RGS17: variants seen among roughly 807,000 people sequenced by gnomAD.
RGS17 encodes regulator of G-protein signaling 17.
RGS17 carries 12 observed loss-of-function variants against 25.5 expected under a neutral mutation model. The observed-to-expected ratio is 0.47, with a 90% CI of 0.30 to 0.76. The LOEUF is 0.76. Ranked by LOEUF, RGS17 falls within the 30% of genes least tolerant of loss-of-function variation. The pLI, the probability that RGS17 is intolerant of heterozygous loss-of-function variation, is 0.07. For synonymous variants in RGS17, 71 were observed against 76.9 expected, an observed-to-expected ratio of 0.92 and a Z score of 0.40; for missense variants, 196 against 242.2, an observed-to-expected ratio of 0.81 and a Z score of 1.27.
intron 1 of RGS17, among the ~76,000 whole-genome samples, chr6:153,105,171 G>A (rs963575346): frequency 1.3e-5 from 2 of 151,628 alleles, no homozygotes; most frequent in African/African-American, 4.8e-5. Context: ...ATGGAATTCA[G>A]AACCCAGTCA....
intron 1 of RGS17, among the ~76,000 whole-genome samples, chr6:153,053,966 TAC>T (rs1208539638): frequency 0.24 from 13,980 of 59,116 alleles, 3,248 homozygotes; most frequent in Non-Finnish European, 0.32. Context: ...ATATATTATA[TAC>T]ATATATATGT....
At chr6:153,019,316 TTA>T (rs1328205931) in intron 4 of RGS17, among the ~76,000 whole-genome samples, 1 of 149,096 alleles carries the variant, frequency 6.7e-6, no homozygotes, top group Non-Finnish European at 1.5e-5. Flanking sequence ...GATACATATC[TTA>T]TATTTATTGA....
In RGS17 at chr6:153,010,415, T is replaced by G. The variant is rs931039073; in HGVS notation, c.*1159A>C. On this transcript the variant is annotated 3_prime_UTR_variant, in exon 5 of 5. Transcript: ENST00000206262. ...CCTTTTAATGATGGATGAAAACTAA[T>G]AGTTTGGTTTAAACATCTTTAAAAT... 6.6e-6 allele frequency: 1 copy of G among 152,028 alleles called. No individual in the cohort carries two copies. The highest frequency in any genetic ancestry group is 6.5e-5 in the Admixed American group (1 of 15,274). 9.4% of individuals were successfully genotyped at this position (152,028 alleles called of 1,614,324 possible). A position where few individuals can be genotyped will look rare whatever the true frequency, so the allele number is the denominator to read the frequency against.
chr6:153,070,772 TA>T (rs954765623), intron 1 of RGS17, among the ~76,000 whole-genome samples: 11 of 151,378 alleles, frequency 7.3e-5, no homozygotes, highest in African/African-American at 1.9e-4. Flanking sequence ...TATATACATA[TA>T]CACATATACA....
At chr6:153,075,540 C>G (rs182894620) in intron 1 of RGS17, among the ~76,000 whole-genome samples, 1 of 152,132 alleles carries the variant, frequency 6.6e-6, no homozygotes, top group African/African-American at 2.4e-5. Flanking sequence ...CTGGCACGGA[C>G]TGCTGCATGG....
At chr6:153,096,370 C>T (rs2129122519) in intron 1 of RGS17, among the ~76,000 whole-genome samples, 1 of 152,284 alleles carries the variant, frequency 6.6e-6, no homozygotes, top group Middle Eastern at 3.4e-3. Context: ...GACAATAAAA[C>T]CTATCCTCAC....
At chr6:153,117,099 T>C (rs1777556977) in intron 1 of RGS17, among the ~76,000 whole-genome samples, 1 of 152,020 alleles carries the variant, frequency 6.6e-6, no homozygotes, top group African/African-American at 2.4e-5. Context: ...AAAATATAAA[T>C]ACCCGAGACT....
chr6:153,123,209 T>C (rs576863274), intron 1 of RGS17, among the ~76,000 whole-genome samples: 2 of 152,238 alleles, frequency 1.3e-5, no homozygotes, highest in Admixed American at 6.5e-5. Flanking sequence ...ATTTTGATCA[T>C]ACTAAACTCA....
intron 1 of RGS17, among the ~76,000 whole-genome samples, chr6:153,101,806 C>CGA (rs892258844): frequency 3.3e-5 from 5 of 151,322 alleles, no homozygotes; most frequent in Non-Finnish European, 7.4e-5. Flanking sequence ...CTCTCTCTCT[C>CGA]TCCTGCCACC....
intron 4 of RGS17, among the ~76,000 whole-genome samples, chr6:153,020,398 C>A (rs1779236934): frequency 6.6e-6 from 1 of 151,300 alleles, no homozygotes; most frequent in Admixed American, 6.6e-5. Flanking sequence ...TGTAATCCAC[C>A]CATCTTGGCC....
chr6:153,083,563 A>C (rs938280455), intron 1 of RGS17, among the ~76,000 whole-genome samples: 1 of 152,222 alleles, frequency 6.6e-6, no homozygotes, highest in African/African-American at 2.4e-5. Flanking sequence ...AATTAGTACT[A>C]ATCTTTGATG....
At chr6:153,103,119 A>G (rs370671410) in intron 1 of RGS17, among the ~76,000 whole-genome samples, 7 of 152,190 alleles carry the variant, frequency 4.6e-5, no homozygotes, top group African/African-American at 1.4e-4. Context: ...CAATTTCGTT[A>G]GCTGAAAACC....
At chr6:153,104,449 T>C (rs550077463) in intron 1 of RGS17, among the ~76,000 whole-genome samples, 2 of 152,310 alleles carry the variant, frequency 1.3e-5, no homozygotes, top group South Asian at 4.1e-4. Flanking sequence ...CCAGAACATG[T>C]TTGACTAAAG....
chr6:153,123,256 T>A (rs540826713), intron 1 of RGS17, among the ~76,000 whole-genome samples: 4 of 152,118 alleles, frequency 2.6e-5, no homozygotes, highest in African/African-American at 9.6e-5. Context: ...TAGTGCTGAG[T>A]GGCAATAAAT....
chr6:153,106,485 C>T (rs549046387), intron 1 of RGS17, among the ~76,000 whole-genome samples: 2 of 150,534 alleles, frequency 1.3e-5, no homozygotes, highest in Admixed American at 6.6e-5. Flanking sequence ...GAGGCTGGCC[C>T]TTGAATGGTT....
intron 2 of RGS17, among the ~76,000 whole-genome samples, chr6:153,036,984 C>T (rs1003829412): frequency 9.2e-5 from 14 of 152,108 alleles, no homozygotes; most frequent in African/African-American, 3.4e-4. Context: ...TCAATTGCTT[C>T]CCATCTCTAA....
At position 153,005,982 on chromosome 6, in the gene RGS17, G is replaced by C. The variant is rs1779070614; in HGVS notation, c.*5592C>G. On this transcript the variant is annotated 3_prime_UTR_variant, in exon 5 of 5. Coordinates refer to ENST00000206262, the MANE Select transcript of RGS17 (RefSeq NM_012419.5). ...AATCTAAAACTACTCTAAAATAAAA[G>C]GTTTAATGGACACATTACTATTTTA... 1 of 151,956 alleles carries C rather than the reference G, an allele frequency of 6.6e-6. No homozygotes were observed. The highest frequency in any genetic ancestry group is 2.1e-4 in the South Asian group (1 of 4,804). 9.4% of individuals were successfully genotyped at this position (151,956 alleles called of 1,614,324 possible).
intron 3 of RGS17, 81 bp from the exon 4 acceptor site, chr6:153,024,577 A>G: frequency 9.6e-7 from 1 of 1,044,696 alleles, no homozygotes; most frequent in Non-Finnish European, 1.5e-6. Context: ...AGGAGCAGAT[A>G]GAAATTCTAT....
chr6:153,056,843 T>TG (rs1776567997), intron 1 of RGS17, among the ~76,000 whole-genome samples: 1 of 26,812 alleles, frequency 3.7e-5, no homozygotes. Context: ...AAGGGCTGTG[T>TG]GTGTGTGTGT....
Sources: gnomAD v4.1 joint callset for allele counts (sites outside exome capture counted in the v4.1 genomes callset) on GRCh38, gnomAD v4.1.1 for gene constraint, MANE v1.5 for transcripts, NCBI Gene and HGNC (gene_info 2026-07-23, HGNC 2026-07-21) for gene names.